Variants in GAS2 observed in about 807,000 individuals in gnomAD.
GAS2 encodes growth arrest specific 2, also known as growth arrest-specific protein 2.
A neutral mutation model predicts 37.5 loss-of-function variants in GAS2; 20 were observed. The ratio of observed to expected loss-of-function variants is 0.53; its 90% CI spans 0.37 to 0.77. GAS2 has a LOEUF of 0.77. GAS2 is among the 30% of genes least tolerant of loss of function. GAS2 has a pLI of 0.00. For missense variants in GAS2, 336 were observed against 373.4 expected (o/e 0.90, Z 0.82); for synonymous variants, 144 against 132.2 (o/e 1.09, Z -0.61).
At chr11:22,702,501 A>G (rs1251459242) in intron 3 of GAS2, 2 of 152,186 alleles carry the variant, frequency 1.3e-5, no homozygotes, top group Non-Finnish European at 2.9e-5. Flanking sequence ...AGCATGGAAA[A>G]CCTTTGTAAA....
intron 3 of GAS2, among the ~76,000 whole-genome samples, chr11:22,723,665 G>A (rs1437248947): frequency 6.6e-6 from 1 of 151,886 alleles, no homozygotes; most frequent in Non-Finnish European, 1.5e-5. Context: ...GTTTTTACAT[G>A]CAAACTCGTA....
In GAS2 at chr11:22,812,253, T is replaced by C. The variant is rs899296793; in HGVS notation, c.*237T>C. On this transcript the variant is annotated 3_prime_UTR_variant, in exon 8 of 8. Transcript: ENST00000454584. Reference sequence around the variant, plus strand: ...AATTATCCAAATTTTAGGCAAATTATTATTTCTCAATATGCGAACACAGTA... The same window carrying C: ...AATTATCCAAATTTTAGGCAAATTACTATTTCTCAATATGCGAACACAGTA... The C allele has an allele frequency of 7.1e-5, 33 of 465,664 alleles. No individual in the cohort carries two copies. Among genetic ancestry groups the C allele is most frequent in the Non-Finnish European group, 1.3e-4 (33 of 259,520 alleles). The allele number at this position is 465,664 out of a possible 1,614,324, so 28.8% of individuals were successfully genotyped here.
At chr11:22,669,168 T>A (rs1590596339) in intron 1 of GAS2, among the ~76,000 whole-genome samples, 1 of 152,168 alleles carries the variant, frequency 6.6e-6, no homozygotes, top group African/African-American at 2.4e-5. Flanking sequence ...AAAACAGAAA[T>A]CTTTATATTA....
Position 22,732,684 on chromosome 11 carries a change from A to C in GAS2, c.410-5021A>C, listed in dbSNP as rs972485281. Among the ~76,000 whole-genome samples the C allele has an allele frequency of 4.6e-5, 7 of 151,666 alleles. 1 individual carries two copies. The South Asian group carries it at 8.3e-4, about 18-fold the overall frequency. On this transcript the variant is annotated intron_variant, in intron 4 of 7. Transcript: ENST00000454584. ...TTTCTTGGGAAGCATGAAAGTTTTT[A>C]TGTATCTTATAGATTCCGGCAGGAG... is the stretch of plus-strand genomic sequence containing the variant.
rs148784772 is a variant in GAS2, at chr11:22,722,547, T to G, written c.268-3745T>G. ...AATTTCTATCCAATTTAGGTTCAGC[T>G]TGACTGTTTTCTATTCATTATTCAT... is the stretch of plus-strand genomic sequence containing the variant. On this transcript the variant is annotated intron_variant, in intron 3 of 7. Transcript: ENST00000454584. Among the ~76,000 whole-genome samples, 158 of 152,056 alleles carry G rather than the reference T, an allele frequency of 1.0e-3. 2 individuals are homozygous for G. The highest frequency in any genetic ancestry group is 3.1e-3 in the African/African-American group (128 of 41,558).
At chr11:22,806,584 C>A (rs186784592) in intron 7 of GAS2, among the ~76,000 whole-genome samples, 288 of 152,252 alleles carry the variant, frequency 1.9e-3, no homozygotes, top group African/African-American at 6.5e-3. Context: ...TGTAAAGGTT[C>A]CCTTTTCTCC....
At chr11:22,782,925 T>C (rs564935869) in intron 7 of GAS2, among the ~76,000 whole-genome samples, 1 of 152,240 alleles carries the variant, frequency 6.6e-6, no homozygotes, top group African/African-American at 2.4e-5. Flanking sequence ...CATGTGTTCC[T>C]TTGGTAGAAT....
intron 7 of GAS2, among the ~76,000 whole-genome samples, chr11:22,797,280 A>G (rs139588682): frequency 3.4e-3 from 524 of 152,084 alleles, no homozygotes; most frequent in Non-Finnish European, 5.6e-3. Context: ...TGCTTTTCCC[A>G]TGTTTGCTTC....
At chr11:22,638,248 G>A (rs1239815297) in intron 1 of GAS2, among the ~76,000 whole-genome samples, 2 of 152,028 alleles carry the variant, frequency 1.3e-5, no homozygotes, top group Non-Finnish European at 2.9e-5. Flanking sequence ...GGTCCTGAGA[G>A]GTTCCTAATA....
chr11:22,748,091 A>G (rs1202233578), intron 5 of GAS2, among the ~76,000 whole-genome samples: 1 of 152,124 alleles, frequency 6.6e-6, no homozygotes, highest in Non-Finnish European at 1.5e-5. Context: ...TATATTTTTT[A>G]AAAATAGATA....
At chr11:22,797,885 G>A (rs1276822429) in intron 7 of GAS2, among the ~76,000 whole-genome samples, 1 of 152,008 alleles carries the variant, frequency 6.6e-6, no homozygotes, top group Non-Finnish European at 1.5e-5. Context: ...TCCCAGTTGG[G>A]CAATATGATC....
chr11:22,670,633 G>T (rs76622366), intron 1 of GAS2, among the ~76,000 whole-genome samples: 1 of 151,854 alleles, frequency 6.6e-6, no homozygotes, highest in East Asian at 1.9e-4. Context: ...AAAACATATC[G>T]AATATTAAAT....
rs1020060417 is a variant in GAS2, at chr11:22,655,786, C to T, written c.-20-19064C>T. Among the ~76,000 whole-genome samples the T allele has an allele frequency of 2.0e-5, 3 of 152,186 alleles. No individual in the cohort carries two copies. In the South Asian group the frequency reaches 6.2e-4, roughly 32 times the overall value. On this transcript the variant is annotated intron_variant, in intron 1 of 5. Transcript: ENST00000528582. ...ACCATAAGATGTAAATAATATTCTT[C>T]CTTCATACAGAGCCTACCTTTATTT...
intron 7 of GAS2, among the ~76,000 whole-genome samples, chr11:22,800,730 C>G (rs1034593699): frequency 2.0e-5 from 3 of 152,042 alleles, no homozygotes; most frequent in African/African-American, 7.2e-5. Context: ...ATTACGATTT[C>G]AAACAGACAG....
At chr11:22,717,280 G>T (rs1851728538) in intron 3 of GAS2, among the ~76,000 whole-genome samples, 1 of 152,060 alleles carries the variant, frequency 6.6e-6, no homozygotes, top group South Asian at 2.1e-4. Flanking sequence ...AAACAGTATG[G>T]TATGATATAA....
At chr11:22,723,569 GT>G (rs1290016352) in intron 3 of GAS2, among the ~76,000 whole-genome samples, 1 of 151,796 alleles carries the variant, frequency 6.6e-6, no homozygotes, top group East Asian at 1.9e-4. Context: ...TGGATATTTT[GT>G]TCCTTTTTGC....
intron 5 of GAS2, among the ~76,000 whole-genome samples, chr11:22,748,276 A>C (rs1210775996): frequency 2.6e-5 from 4 of 152,028 alleles, no homozygotes; most frequent in South Asian, 2.1e-4. Flanking sequence ...TGTAAAAGTG[A>C]GAGGGTGTAA....
rs768530000 is a variant in GAS2 at position 22,726,399 on chromosome 11, G to C, written c.375G>C (p.Val125=). ...NFLSWCRDLG[V]DETCLFESEG... ...TATCCTGGTGCCGAGATTTAGGGGT[G>C]GATGAAACGTGTCTATTTGAATCGG... The change falls in exon 4 of 8, where the codon GTG becomes GTC. Residue 125 remains valine, a synonymous_variant. Coordinates refer to ENST00000454584, the MANE Select transcript of GAS2 (RefSeq NM_001143830.3). 1 of 1,612,308 alleles carries C rather than the reference G, an allele frequency of 6.2e-7. No homozygotes were observed. The highest frequency in any genetic ancestry group is 8.5e-7 in the Non-Finnish European group (1 of 1,179,170).
At chr11:22,758,249 A>G (rs1357697271) in intron 7 of GAS2, among the ~76,000 whole-genome samples, 1 of 152,198 alleles carries the variant, frequency 6.6e-6, no homozygotes, top group African/African-American at 2.4e-5. Flanking sequence ...TCTCACACAT[A>G]CTAGGTGAAC....
Sources: gnomAD v4.1 joint callset for allele counts (sites outside exome capture counted in the v4.1 genomes callset) on GRCh38, gnomAD v4.1.1 for gene constraint, MANE v1.5 for transcripts, NCBI Gene and HGNC (gene_info 2026-07-23, HGNC 2026-07-21) for gene names.